MAP2: variants seen among roughly 807,000 people sequenced by gnomAD.
The protein encoded by MAP2 is microtubule-associated protein 2.
MAP2 carries 14 observed loss-of-function variants against 137.6 expected under a neutral mutation model. That is an observed-to-expected ratio of 0.10 (90% confidence interval 0.07 to 0.16). The LOEUF (loss-of-function observed/expected upper bound fraction) is 0.16, where lower values mean the gene tolerates loss of function less well. Among genes scored for constraint, MAP2 ranks in the 10% least tolerant of loss-of-function variants. MAP2 has a pLI of 1.00. For synonymous variants in MAP2, 786 were observed against 782.3 expected (o/e 1.00, Z -0.08); for missense variants, 2,088 against 2,191.5 (o/e 0.95, Z 0.94).
intron 2 of MAP2, among the ~76,000 whole-genome samples, chr2:209,540,662 A>AAAAAG (rs2066850163): frequency 7.0e-6 from 1 of 142,236 alleles, no homozygotes; most frequent in Non-Finnish European, 1.5e-5. Context: ...AAAAAAAAAA[A>AAAAAG]GAAGAAAAGA....
In MAP2 at chr2:209,435,998, T is replaced by TATATATTATATATA. The variant is rs1696051101; in HGVS notation, c.-222+11728_-222+11729insTATATATAATATAT. Reference sequence around the variant, plus strand: ...AATATATACAGTATATATTATATACTATATATACAGTATATATTATATATA... The same window carrying TATATATTATATATA: ...AATATATACAGTATATATTATATACTATATATTATATATAATATATACAGTATATATTATATATA... On this transcript the variant is annotated intron_variant, in intron 1 of 15. Transcript: ENST00000682079. Among the ~76,000 whole-genome samples the TATATATTATATATA allele has an allele frequency of 6.8e-5, 6 of 88,806 alleles. 1 individual carries two copies. Among genetic ancestry groups the TATATATTATATATA allele is most frequent in the Non-Finnish European group, 6.1e-5 (3 of 49,450 alleles). The allele number at this position is 88,806 out of a possible 152,430, so 58.3% of individuals were successfully genotyped here. A position where few individuals can be genotyped will look rare whatever the true frequency, so the allele number is the denominator to read the frequency against.
Position 209,695,875 on chromosome 2 carries a change from GGAA to G in MAP2, c.3711_3713del (p.Glu1238del). On this transcript the variant is annotated inframe_deletion, in exon 8 of 16. Transcript: ENST00000682079. ...CTGAACCAGCAGAGATTCAGAGTGA[GGAA>G]GAAGAGATAGAAGCCCAGGGAGAAT... 6.2e-7 allele frequency: 1 copy of G among 1,614,074 alleles called. No individual in the cohort carries two copies. The highest frequency in any genetic ancestry group is 1.1e-5 in the South Asian group (1 of 91,074).
At chr2:209,440,537 G>A (rs1282250891) in intron 1 of MAP2, among the ~76,000 whole-genome samples, 2 of 151,496 alleles carry the variant, frequency 1.3e-5, no homozygotes, top group Non-Finnish European at 3.0e-5. Flanking sequence ...CTCCAAGACT[G>A]CTTGTTTTAT....
chr2:209,483,028 C>T (rs539226243), intron 1 of MAP2, among the ~76,000 whole-genome samples: 5 of 152,032 alleles, frequency 3.3e-5, no homozygotes, highest in African/African-American at 1.2e-4. Flanking sequence ...GTTAACAAAG[C>T]GCTGAGTTTA....
At chr2:209,598,014 TA>T (rs1317240143) in intron 3 of MAP2, among the ~76,000 whole-genome samples, 4 of 151,968 alleles carry the variant, frequency 2.6e-5, no homozygotes, top group African/African-American at 4.8e-5. Context: ...TTTATTTATT[TA>T]TTTTTTTTGA....
chr2:209,480,398 T>C (rs1393232489), intron 1 of MAP2, among the ~76,000 whole-genome samples: 1 of 152,174 alleles, frequency 6.6e-6, no homozygotes, highest in Non-Finnish European at 1.5e-5. Flanking sequence ...ACACATTTAA[T>C]TTTGAATAGT....
At chr2:209,692,543 A>G in intron 7 of MAP2, 82 bp from the exon 8 acceptor site, 1 of 1,442,280 alleles carries the variant, frequency 6.9e-7, no homozygotes. Flanking sequence ...CCATTCATTT[A>G]TCACTTCAAA....
At chr2:209,508,790 T>C (rs142842907) in intron 2 of MAP2, among the ~76,000 whole-genome samples, 4 of 152,194 alleles carry the variant, frequency 2.6e-5, no homozygotes, top group African/African-American at 7.2e-5. Context: ...CTATAAACTG[T>C]ATTATTTTAT....
At chr2:209,579,256 G>GGT (rs1343675424) in intron 2 of MAP2, 9 of 117,200 alleles carry the variant, frequency 7.7e-5, no homozygotes, top group South Asian at 2.8e-4. Context: ...CTATTTAAGC[G>GGT]GTGTGTGTGT....
chr2:209,428,282 A>T (rs553278748), intron 1 of MAP2, among the ~76,000 whole-genome samples: 1 of 152,196 alleles, frequency 6.6e-6, no homozygotes, highest in South Asian at 2.1e-4. Context: ...AGAGCTCAGG[A>T]TCCTCTTTCA....
intron 14 of MAP2, among the ~76,000 whole-genome samples, chr2:209,729,561 A>G (rs1236434456): frequency 1.3e-5 from 2 of 152,234 alleles, no homozygotes; most frequent in African/African-American, 2.4e-5. Flanking sequence ...TTGTTATACC[A>G]AAAAGAAAAG....
chr2:209,573,625 A>C (rs1206337008), intron 2 of MAP2, among the ~76,000 whole-genome samples: 1 of 152,070 alleles, frequency 6.6e-6, no homozygotes, highest in African/African-American at 2.4e-5. Context: ...TGAGTTATTG[A>C]GATATAATTC....
Position 209,710,167 on chromosome 2 carries a change from T to C in MAP2, c.4986T>C (p.Leu1662=). 1 of 1,613,814 alleles carries C rather than the reference T, an allele frequency of 6.2e-7. No homozygotes were observed. The highest frequency in any genetic ancestry group is 8.5e-7 in the Non-Finnish European group (1 of 1,179,886). Residue 1662 remains leucine, a synonymous_variant, in exon 13 of 16, where the codon CTT becomes CTC. Coordinates refer to ENST00000682079, the MANE Select transcript of MAP2 (RefSeq NM_001375505.1). ...KSPATPKQLR[L]INQPLPDLKN... ...CTGCGACTCCCAAGCAGCTTCGGCT[T>C]ATTAACCAACCACTGCCAGACCTGA...
chr2:209,661,524 C>G (rs1225302267), intron 5 of MAP2: 1 of 985,356 alleles, frequency 1.0e-6, no homozygotes, highest in East Asian at 1.1e-4. Flanking sequence ...TGCAGAAAAT[C>G]ACACAGCCTC....
At chr2:209,560,673 G>A (rs954193266) in intron 2 of MAP2, among the ~76,000 whole-genome samples, 2 of 151,964 alleles carry the variant, frequency 1.3e-5, no homozygotes, top group Non-Finnish European at 1.5e-5. Context: ...AAGAGACAGG[G>A]TCTTGCTGTG....
chr2:209,532,257 AAG>A (rs2065234361), intron 2 of MAP2, among the ~76,000 whole-genome samples: 1 of 151,350 alleles, frequency 6.6e-6, no homozygotes, highest in African/African-American at 2.4e-5. Flanking sequence ...AAAAAAAAAA[AAG>A]AAGAGAAGGA....
At chr2:209,497,893 C>T (rs899023104) in intron 1 of MAP2, among the ~76,000 whole-genome samples, 4 of 152,276 alleles carry the variant, frequency 2.6e-5, no homozygotes, top group South Asian at 2.1e-4. Flanking sequence ...AATTGGGTGG[C>T]GACAAATATG....
In MAP2 at chr2:209,694,700, C is replaced by T. The variant is rs765016950; in HGVS notation, c.2530C>T (p.Arg844Cys). The stretch of plus-strand genomic sequence containing the variant: ...ATCAGAGACTGTGGTTGAGGATAGT[C>T]GTACTGGCTTGCCCCCGGTAACTGA... Reference protein sequence around the residue: ...VPSETVVEDSRTGLPPVTDEN... With the variant: ...VPSETVVEDSCTGLPPVTDEN... The change falls in exon 8 of 16, where the codon CGT (arginine) becomes TGT (cysteine). Residue 844 changes from arginine to cysteine, a missense_variant. Arg to Cys is a radical substitution (Grantham distance 180). This residue lies in a region of MAP2 where 500 missense variants were observed against 482.9 expected (regional missense o/e 1.04). Coordinates refer to ENST00000682079, the MANE Select transcript of MAP2 (RefSeq NM_001375505.1). The T allele has an allele frequency of 1.9e-6, 3 of 1,614,050 alleles. No individual in the cohort carries two copies. Among genetic ancestry groups the T allele is most frequent in the African/African-American group, 2.7e-5 (2 of 75,020 alleles).
At chr2:209,684,880 T>G (rs1158472294) in intron 7 of MAP2, among the ~76,000 whole-genome samples, 2 of 152,144 alleles carry the variant, frequency 1.3e-5, no homozygotes, top group African/African-American at 4.8e-5. Context: ...ATAAATTTAA[T>G]TTTTAATATA....
Sources: gnomAD v4.1 joint callset for allele counts (sites outside exome capture counted in the v4.1 genomes callset) on GRCh38, gnomAD v4.1.1 for gene constraint, gnomAD v4.1.1 regional missense constraint, MANE v1.5 for transcripts, NCBI Gene and HGNC (gene_info 2026-07-23, HGNC 2026-07-21) for gene names.